RAPGEF2: variants seen among roughly 807,000 people sequenced by gnomAD.
RAPGEF2 encodes PDZ domain containing guanine nucleotide exchange factor (GEF) 1.
A neutral mutation model predicts 186.7 loss-of-function variants in RAPGEF2; 54 were observed. That is an observed-to-expected ratio of 0.29 (90% CI 0.23 to 0.36). RAPGEF2 has a LOEUF of 0.36. Among genes scored for constraint, RAPGEF2 ranks in the 10% least tolerant of loss-of-function variants. The pLI, the probability that RAPGEF2 is intolerant of heterozygous loss-of-function variation, is 1.00. For synonymous variants in RAPGEF2, 712 were observed against 705.9 expected (o/e 1.01, Z -0.14); for missense variants, 1,532 against 2,045.0 (o/e 0.75, Z 4.84).
At chr4:159,203,800 T>A (rs974376820) in intron 3 of RAPGEF2, among the ~76,000 whole-genome samples, 2 of 152,230 alleles carry the variant, frequency 1.3e-5, no homozygotes, top group African/African-American at 4.8e-5. Flanking sequence ...GTATTTTTTG[T>A]TACCATCATG....
At chr4:159,343,891 G>C (rs1362999865) in intron 22 of RAPGEF2, 145 bp from the exon 23 acceptor site, 1 of 698,514 alleles carries the variant, frequency 1.4e-6, no homozygotes, top group South Asian at 2.3e-5. Context: ...TAGTAAAGTT[G>C]CGTGTGTGAG....
chr4:159,354,013 G>A lies in RAPGEF2; in HGVS notation c.4618G>A (p.Ala1540Thr), dbSNP rs1311446760. 1.2e-5 allele frequency: 19 copies of A among 1,604,634 alleles called. No homozygotes were observed. The highest frequency in any genetic ancestry group is 1.4e-5 in the Non-Finnish European group (17 of 1,176,672). Reference protein sequence around the residue: ...TKPVPMPAHIAVASSTTKGLI... With the variant: ...TKPVPMPAHITVASSTTKGLI... ...GCCTGTCCCCATGCCTGCCCACATAGCTGTGGCATCAAGTACTACAAAGGG... is the reference window on the plus strand; with the variant it reads ...GCCTGTCCCCATGCCTGCCCACATAACTGTGGCATCAAGTACTACAAAGGG... Residue 1540 changes from alanine (A) to threonine (T), a missense_variant, in exon 28 of 30, where the codon GCT becomes ACT. Coordinates refer to ENST00000691494, the MANE Select transcript of RAPGEF2 (RefSeq NM_001394067.2).
intron 26 of RAPGEF2, among the ~76,000 whole-genome samples, chr4:159,351,484 A>G (rs1731166777): frequency 6.6e-6 from 1 of 152,246 alleles, no homozygotes; most frequent in Admixed American, 6.5e-5. Context: ...TTAAACTGGC[A>G]ACATTTAGAT....
At chr4:159,255,596 A>G (rs567589833) in intron 7 of RAPGEF2, among the ~76,000 whole-genome samples, 12 of 152,284 alleles carry the variant, frequency 7.9e-5, no homozygotes, top group Non-Finnish European at 1.5e-4. Flanking sequence ...AACTCCTCAA[A>G]TCTGAAATGG....
At chr4:159,141,242 T>C (rs1392716171) in intron 1 of RAPGEF2, among the ~76,000 whole-genome samples, 1 of 152,222 alleles carries the variant, frequency 6.6e-6, no homozygotes, top group Non-Finnish European at 1.5e-5. Context: ...TTTATAATCC[T>C]ATCGGGATAT....
chr4:159,242,951 T>C (rs1440794167), intron 6 of RAPGEF2, among the ~76,000 whole-genome samples: 8 of 152,022 alleles, frequency 5.3e-5, no homozygotes, highest in African/African-American at 1.9e-4. Context: ...TTTGTTCTTA[T>C]AGTCATATTT....
At chr4:159,157,463 A>G (rs956405951) in intron 1 of RAPGEF2, among the ~76,000 whole-genome samples, 22 of 152,296 alleles carry the variant, frequency 1.4e-4, no homozygotes, top group African/African-American at 4.6e-4. Context: ...TGTGTTCTTT[A>G]TAGTTTGGGA....
At chr4:159,172,835 GTC>G (rs886786001) in intron 1 of RAPGEF2, among the ~76,000 whole-genome samples, 13 of 152,110 alleles carry the variant, frequency 8.5e-5, no homozygotes. Context: ...ATATTTTTAA[GTC>G]TCTGATTCTT....
intron 28 of RAPGEF2, 44 bp downstream of exon 28, chr4:159,354,090 C>A: frequency 6.8e-7 from 1 of 1,479,034 alleles, no homozygotes; most frequent in African/African-American, 1.4e-5. Context: ...TGGATCATGT[C>A]TTTAATGTAA....
At chr4:159,138,885 T>C (rs1742018818) in intron 1 of RAPGEF2, among the ~76,000 whole-genome samples, 1 of 152,174 alleles carries the variant, frequency 6.6e-6, no homozygotes. Context: ...ACTGAAAGGA[T>C]ACCCAACTTA....
At chr4:159,207,229 CA>C (rs748910132) in intron 3 of RAPGEF2, among the ~76,000 whole-genome samples, 2 of 152,176 alleles carry the variant, frequency 1.3e-5, no homozygotes, top group Non-Finnish European at 2.9e-5. Context: ...TTCACATCCT[CA>C]AATCTTTCCC....
Position 159,346,968 on chromosome 4 carries a change from A to G in RAPGEF2, c.3682A>G (p.Lys1228Glu), listed in dbSNP as rs1188324853. The G allele has an allele frequency of 6.2e-7, 1 of 1,614,166 alleles. No homozygotes were observed. The highest frequency in any genetic ancestry group is 8.5e-7 in the Non-Finnish European group (1 of 1,179,982). The change falls in exon 25 of 30, where the codon AAA (lysine) becomes GAA (glutamate). Residue 1228 changes from lysine (K) to glutamate (E), a missense_variant. Lys to Glu is a moderately conservative substitution (Grantham distance 56). Transcript: ENST00000691494. ...CGTGTCCCTTTATCCTTCACGGAAG[A>G]AAGTGCCCGTAAAGGATCTCCCACC... is the stretch of plus-strand genomic sequence containing the variant. The part of the protein sequence containing the change: ...PAVSLYPSRK[K>E]VPVKDLPPFG...
At chr4:159,337,910 A>AAAAAAAAAAAAAAAAAAAAG (rs1767681602) in intron 17 of RAPGEF2, among the ~76,000 whole-genome samples, 1 of 143,108 alleles carries the variant, frequency 7.0e-6, no homozygotes, top group Admixed American at 6.9e-5. Context: ...AAAAAAAAAA[A>AAAAAAAAAAAAAAAAAAAAG]AAAGAAAGAA....
chr4:159,279,802 C>A (rs1759446074), intron 7 of RAPGEF2, among the ~76,000 whole-genome samples: 1 of 152,028 alleles, frequency 6.6e-6, no homozygotes, highest in African/African-American at 2.4e-5. Context: ...CCTCAGCCTC[C>A]CGAGTAGCTG....
chr4:159,221,317 C>T (rs979626200), intron 4 of RAPGEF2, among the ~76,000 whole-genome samples: 6 of 152,142 alleles, frequency 3.9e-5, no homozygotes, highest in African/African-American at 9.7e-5. Flanking sequence ...AGGGTCAGTT[C>T]GTAGCACAGA....
At chr4:159,252,957 A>G (rs1228349730) in intron 7 of RAPGEF2, among the ~76,000 whole-genome samples, 1 of 152,254 alleles carries the variant, frequency 6.6e-6, no homozygotes, top group Non-Finnish European at 1.5e-5. Flanking sequence ...TTTAAGGGGA[A>G]ATATAAAACA....
intron 2 of RAPGEF2, among the ~76,000 whole-genome samples, chr4:159,190,782 C>T (rs996768877): frequency 6.6e-6 from 1 of 152,160 alleles, no homozygotes; most frequent in African/African-American, 2.4e-5. Context: ...CAGAACAGGA[C>T]TGGGGGAACC....
At chr4:159,229,011 G>GT (rs1177500354) in intron 4 of RAPGEF2, among the ~76,000 whole-genome samples, 1 of 151,950 alleles carries the variant, frequency 6.6e-6, no homozygotes, top group Non-Finnish European at 1.5e-5. Context: ...TTGTTTTTTT[G>GT]TAAGTCCTAA....
chr4:159,336,763 T>C (rs1030073475), intron 17 of RAPGEF2, among the ~76,000 whole-genome samples: 3 of 152,200 alleles, frequency 2.0e-5, no homozygotes, highest in Non-Finnish European at 4.4e-5. Context: ...GGAAGAAATG[T>C]TGCTATTTTT....
Sources: allele counts gnomAD v4.1 joint callset (sites outside exome capture counted in the v4.1 genomes callset), GRCh38; gene constraint gnomAD v4.1.1; transcripts MANE v1.5; gene names NCBI Gene and HGNC (gene_info 2026-07-23, HGNC 2026-07-21).